The following DNAJC1 variants were observed in gnomAD, a reference collection of about 807,000 sequenced individuals.
The protein encoded by DNAJC1 is dnaJ homolog subfamily C member 1.
DNAJC1 carries 58 observed loss-of-function variants against 76.6 expected under a neutral mutation model. The ratio of observed to expected loss-of-function variants is 0.76; its 90% CI spans 0.61 to 0.94. The LOEUF (loss-of-function observed/expected upper bound fraction) is 0.94, where lower values mean the gene tolerates loss of function less well. DNAJC1 is among the 40% of genes least tolerant of loss of function. The probability of loss-of-function intolerance (pLI) is 0.00; values close to 1 mark genes in which losing one functional copy is unlikely to be tolerated. For synonymous variants in DNAJC1, 258 were observed against 267.9 expected, an observed-to-expected ratio of 0.96 and a Z score of 0.36; for missense variants, 689 against 677.3, an observed-to-expected ratio of 1.02 and a Z score of -0.19.
At chr10:21,900,862 C>T (rs1422371707) in intron 7 of DNAJC1, among the ~76,000 whole-genome samples, 3 of 152,200 alleles carry the variant, frequency 2.0e-5, no homozygotes, top group African/African-American at 7.2e-5. Context: ...CTAACCTAAA[C>T]TGCGGCTGCT....
chr10:21,854,729 CCATT>C (rs1444215770), intron 8 of DNAJC1, among the ~76,000 whole-genome samples: 1 of 151,890 alleles, frequency 6.6e-6, no homozygotes, highest in Non-Finnish European at 1.5e-5. Flanking sequence ...ATGACAGCAG[CCATT>C]AATTATAAGA....
At chr10:21,858,688 C>T (rs1322039109) in intron 8 of DNAJC1, among the ~76,000 whole-genome samples, 2 of 152,174 alleles carry the variant, frequency 1.3e-5, no homozygotes, top group Admixed American at 1.3e-4. Flanking sequence ...TAATTCATTG[C>T]AGCCCTAGGG....
intron 1 of DNAJC1, among the ~76,000 whole-genome samples, chr10:21,979,424 TG>T (rs1365945686): frequency 6.6e-6 from 1 of 152,134 alleles, no homozygotes; most frequent in Non-Finnish European, 1.5e-5. Context: ...TTAAGAACTA[TG>T]ATGCCAGGTT....
chr10:21,854,741 A>G (rs1009124279), intron 8 of DNAJC1, among the ~76,000 whole-genome samples: 1 of 152,210 alleles, frequency 6.6e-6, no homozygotes, highest in Non-Finnish European at 1.5e-5. Context: ...ATTAATTATA[A>G]GATACACTTA....
chr10:21,757,925 T>C (rs1285959054), intron 11 of DNAJC1, among the ~76,000 whole-genome samples: 1 of 152,160 alleles, frequency 6.6e-6, no homozygotes, highest in Non-Finnish European at 1.5e-5. Flanking sequence ...GAATCCAAGC[T>C]CCAGCCCCTT....
At chr10:21,852,293 G>A (rs1644182805) in intron 8 of DNAJC1, among the ~76,000 whole-genome samples, 1 of 152,074 alleles carries the variant, frequency 6.6e-6, no homozygotes, top group Non-Finnish European at 1.5e-5. Flanking sequence ...ACAAAATGCA[G>A]ACTGGTGGTT....
intron 1 of DNAJC1, among the ~76,000 whole-genome samples, chr10:21,935,010 A>G (rs924039142): frequency 1.3e-5 from 2 of 152,172 alleles, no homozygotes; most frequent in African/African-American, 4.8e-5. Flanking sequence ...AGCAGCAACA[A>G]AAACCTCTAG....
intron 1 of DNAJC1, among the ~76,000 whole-genome samples, chr10:21,990,166 C>G (rs778319803): frequency 6.6e-6 from 1 of 152,114 alleles, no homozygotes; most frequent in Non-Finnish European, 1.5e-5. Flanking sequence ...AGATGGCATA[C>G]AAGAAATCAT....
chr10:21,865,794 TA>T (rs1026294173), intron 8 of DNAJC1: 2 of 151,970 alleles, frequency 1.3e-5, no homozygotes, highest in African/African-American at 4.8e-5. Flanking sequence ...ACAAAAGACT[TA>T]AGTGAGAAAA....
At chr10:21,847,110 A>T (rs568969601) in intron 8 of DNAJC1, among the ~76,000 whole-genome samples, 1 of 152,198 alleles carries the variant, frequency 6.6e-6, no homozygotes, top group South Asian at 2.1e-4. Flanking sequence ...GCTCAAGTGT[A>T]ATTTCTTTTC....
intron 8 of DNAJC1, among the ~76,000 whole-genome samples, chr10:21,862,427 AT>A (rs535547596): frequency 0.11 from 14,599 of 131,794 alleles, 1,201 homozygotes; most frequent in African/African-American, 0.29. Flanking sequence ...CTGTTACTAC[AT>A]TTTTTTTTTT....
At position 21,857,074 on chromosome 10, in the gene DNAJC1, G is replaced by C. The variant is rs182332558; in HGVS notation, c.978+25208C>G. 9.4e-4 allele frequency among the ~76,000 whole-genome samples: 143 copies of C among 152,162 alleles called. 3 individuals are homozygous for C. Among genetic ancestry groups the C allele is most frequent in the East Asian group, 6.8e-3 (35 of 5,174 alleles). ...TTAAATGGTACTAGATTATAAAGTGGATCAATTCTGGAATACTCCATAATA... is the reference window on the plus strand; with the variant it reads ...TTAAATGGTACTAGATTATAAAGTGCATCAATTCTGGAATACTCCATAATA... On this transcript the variant is annotated intron_variant, in intron 8 of 11. Transcript: ENST00000376980.
At chr10:21,859,355 G>A (rs1835887883) in intron 8 of DNAJC1, among the ~76,000 whole-genome samples, 1 of 152,102 alleles carries the variant, frequency 6.6e-6, no homozygotes, top group Admixed American at 6.5e-5. Flanking sequence ...AAACTCCTAT[G>A]TAAAATGAAG....
intron 8 of DNAJC1, among the ~76,000 whole-genome samples, chr10:21,881,351 CTGTT>C (rs1299569653): frequency 6.6e-6 from 1 of 152,170 alleles, no homozygotes; most frequent in East Asian, 1.9e-4. Context: ...ATTTAGCTAA[CTGTT>C]TGGTGCAAGA....
chr10:21,767,695 A>T (rs1201328864), intron 9 of DNAJC1, among the ~76,000 whole-genome samples: 1 of 152,186 alleles, frequency 6.6e-6, no homozygotes, highest in Non-Finnish European at 1.5e-5. Flanking sequence ...CCAACATCAC[A>T]ATCAAATTAC....
intron 8 of DNAJC1, among the ~76,000 whole-genome samples, chr10:21,821,412 G>C (rs1835157743): frequency 6.6e-6 from 1 of 151,978 alleles, no homozygotes; most frequent in African/African-American, 2.4e-5. Context: ...TTTCTCTATA[G>C]ATTATAATCT....
chr10:21,791,493 CACAAA>C (rs1834686550), intron 9 of DNAJC1, among the ~76,000 whole-genome samples: 1 of 152,098 alleles, frequency 6.6e-6, no homozygotes, highest in African/African-American at 2.4e-5. Flanking sequence ...CATGTTACGC[CACAAA>C]ACAAGTCTCA....
intron 8 of DNAJC1, among the ~76,000 whole-genome samples, chr10:21,841,106 G>C (rs1287941553): frequency 6.6e-6 from 1 of 152,176 alleles, no homozygotes; most frequent in Non-Finnish European, 1.5e-5. Context: ...ATTAATTCAA[G>C]ATGGATTAAA....
At chr10:21,950,438 C>T (rs1238745036) in intron 1 of DNAJC1, among the ~76,000 whole-genome samples, 2 of 151,870 alleles carry the variant, frequency 1.3e-5, no homozygotes, top group Admixed American at 1.3e-4. Flanking sequence ...AGCTGTACCC[C>T]CATCTCTCTC....
Sources: allele counts gnomAD v4.1 joint callset (sites outside exome capture counted in the v4.1 genomes callset), GRCh38; gene constraint gnomAD v4.1.1; transcripts MANE v1.5; gene names NCBI Gene and HGNC (gene_info 2026-07-23, HGNC 2026-07-21).